The following SENP6 variants were observed in gnomAD, a reference collection of about 807,000 sequenced individuals.
SENP6 encodes sentrin-specific protease 6.
In SENP6, 41 loss-of-function variants were observed where a neutral mutation model predicts 134.5. The ratio of observed to expected loss-of-function variants is 0.30; its 90% CI spans 0.24 to 0.40. The LOEUF is 0.40. SENP6 is among the 10% of genes least tolerant of loss of function. The pLI, the probability that SENP6 is intolerant of heterozygous loss-of-function variation, is 1.00. For synonymous variants in SENP6, 395 were observed against 429.8 expected, an observed-to-expected ratio of 0.92 and a Z score of 1.00; for missense variants, 1,248 against 1,312.5, an observed-to-expected ratio of 0.95 and a Z score of 0.76.
In SENP6 at chr6:75,602,550, G is replaced by T. The variant is rs202125150; in HGVS notation, c.26G>T (p.Ser9Ile). The part of the protein sequence containing the change: MAAGKSGG[S>I]AGEITFLEAL... ...ATGGCGGCCGGCAAGAGCGGCGGTA[G>T]CGCAGGGGAGATTACTTTTCTGGAA... The change falls in exon 1 of 24, where the codon AGC becomes ATC. Residue 9 changes from serine to isoleucine, a missense_variant. Around this residue, in one of 3 missense-constraint regions of SENP6, gnomAD observed 733 missense variants for 725.4 expected, o/e 1.01. Coordinates refer to ENST00000447266, the MANE Select transcript of SENP6 (RefSeq NM_015571.4). 1.2e-5 allele frequency: 19 copies of T among 1,551,484 alleles called. No homozygotes were observed. The African/African-American group carries it at 1.8e-4, about 15-fold the overall frequency.
At chr6:75,666,197 G>A (rs1177834255) in intron 9 of SENP6, among the ~76,000 whole-genome samples, 11 of 97,582 alleles carry the variant, frequency 1.1e-4, no homozygotes, top group African/African-American at 2.6e-4. Flanking sequence ...TATATAAAAC[G>A]TATATATGAT....
intron 5 of SENP6, among the ~76,000 whole-genome samples, chr6:75,638,612 ATATATATATATTTTT>A (rs1440692977): frequency 6.7e-4 from 26 of 38,574 alleles, no homozygotes; most frequent in South Asian, 1.2e-3. Flanking sequence ...ATATATATAT[ATATATATATATTTTT>A]TTTTTTTTTT....
intron 7 of SENP6, among the ~76,000 whole-genome samples, chr6:75,657,836 C>T (rs1320265754): frequency 6.6e-6 from 1 of 152,086 alleles, no homozygotes; most frequent in African/African-American, 2.4e-5. Context: ...ATAGGCAGAG[C>T]TTCACTTGTG....
At chr6:75,690,385 T>C (rs1462851177) in intron 16 of SENP6, among the ~76,000 whole-genome samples, 3 of 152,226 alleles carry the variant, frequency 2.0e-5, no homozygotes. Context: ...GAAATACTGT[T>C]ACTTGCTTTA....
chr6:75,677,271 TAATTTA>T lies in SENP6; in HGVS notation c.1848+18_1848+23del. 6.7e-7 allele frequency: 1 copy of T among 1,485,826 alleles called. No homozygotes were observed. Among genetic ancestry groups the T allele is most frequent in the Non-Finnish European group, 9.1e-7 (1 of 1,096,958 alleles). 92.0% of individuals were successfully genotyped at this position (1,485,826 alleles called of 1,614,324 possible). Reference sequence around the variant, plus strand: ...AAATTAAAACTGTAATTATGTTTTTTAATTTAAAAATATTCTTAAATTGTGGGTAGT... The same window carrying T: ...AAATTAAAACTGTAATTATGTTTTTTAAAATATTCTTAAATTGTGGGTAGT... On this transcript the variant is annotated intron_variant, in intron 14 of 23. Transcript: ENST00000447266.
intron 5 of SENP6, among the ~76,000 whole-genome samples, chr6:75,638,616 ATATATATTTTTTTTTT>A (rs1400879497): frequency 6.7e-4 from 24 of 35,764 alleles, no homozygotes; most frequent in African/African-American, 2.3e-3. Context: ...ATATATATAT[ATATATATTTTTTTTTT>A]TTTTTTTTTT....
At chr6:75,685,604 G>T (rs1264884953) in intron 16 of SENP6, among the ~76,000 whole-genome samples, 1 of 152,108 alleles carries the variant, frequency 6.6e-6, no homozygotes, top group Non-Finnish European at 1.5e-5. Flanking sequence ...TTGTGCCTTT[G>T]TTCTCACTGG....
intron 1 of SENP6, among the ~76,000 whole-genome samples, chr6:75,609,019 A>G (rs1184213184): frequency 1.3e-5 from 2 of 152,224 alleles, no homozygotes; most frequent in South Asian, 2.1e-4. Flanking sequence ...CATACTTTGT[A>G]TGTCTAGACT....
chr6:75,640,085 C>T (rs1442098302), intron 5 of SENP6, among the ~76,000 whole-genome samples: 1 of 152,038 alleles, frequency 6.6e-6, no homozygotes, highest in Non-Finnish European at 1.5e-5. Flanking sequence ...GAGGGAAGTA[C>T]ATACTATTTA....
intron 17 of SENP6, among the ~76,000 whole-genome samples, chr6:75,697,052 G>A (rs1774709293): frequency 1.3e-5 from 2 of 152,082 alleles, no homozygotes; most frequent in African/African-American, 4.8e-5. Flanking sequence ...ATCAGATAAT[G>A]CTCACTTTTC....
intron 19 of SENP6, among the ~76,000 whole-genome samples, chr6:75,705,475 C>T (rs750197605): frequency 2.6e-5 from 4 of 151,924 alleles, no homozygotes; most frequent in East Asian, 1.9e-4. Context: ...AACCTGGGGG[C>T]GGAGGTTGCA....
intron 19 of SENP6, among the ~76,000 whole-genome samples, chr6:75,707,635 G>C (rs889007283): frequency 5.3e-5 from 8 of 152,014 alleles, no homozygotes; most frequent in African/African-American, 7.2e-5. Context: ...TGGGATTACA[G>C]ATGTGAGCCA....
chr6:75,685,246 T>G (rs1773744919), intron 16 of SENP6, among the ~76,000 whole-genome samples: 1 of 152,238 alleles, frequency 6.6e-6, no homozygotes, highest in Non-Finnish European at 1.5e-5. Flanking sequence ...GATATCCCCT[T>G]TATCATTTTT....
At chr6:75,675,757 T>TA in intron 12 of SENP6, 103 bp from the exon 13 acceptor site, 3 of 1,050,066 alleles carry the variant, frequency 2.9e-6, no homozygotes, top group Non-Finnish European at 4.2e-6. Flanking sequence ...GCATAATAAA[T>TA]ATGTGCTTAC....
chr6:75,633,037 A>G (rs1020785949), intron 3 of SENP6, among the ~76,000 whole-genome samples: 1 of 152,156 alleles, frequency 6.6e-6, no homozygotes, highest in Non-Finnish European at 1.5e-5. Context: ...ATCTTTACAA[A>G]TTTATTTTGC....
intron 16 of SENP6, among the ~76,000 whole-genome samples, chr6:75,681,532 C>T (rs1050595529): frequency 2.6e-5 from 4 of 151,960 alleles, no homozygotes; most frequent in Admixed American, 2.0e-4. Context: ...GATCTTGGCC[C>T]ACGGCAGCCT....
rs891688415 is a variant in SENP6, at chr6:75,684,229, A to AT, written c.2075+5307dup. 1.1e-3 allele frequency among the ~76,000 whole-genome samples: 170 copies of AT among 152,164 alleles called. 1 individual carries two copies. The highest frequency in any genetic ancestry group is 3.9e-3 in the African/African-American group (161 of 41,498). ...TTAATGGTGTATAGGAATGCTTGTG[A>AT]TTTTTGCACATTGATTTTGTATCCT... On this transcript the variant is annotated intron_variant, in intron 16 of 23. Transcript: ENST00000447266.
intron 7 of SENP6, among the ~76,000 whole-genome samples, chr6:75,657,942 C>T (rs530706100): frequency 6.6e-5 from 10 of 152,200 alleles, no homozygotes; most frequent in South Asian, 2.1e-4. Flanking sequence ...GAAACAGGAA[C>T]TTCTGCTTGC....
chr6:75,660,793 G>C (rs1467836890), intron 8 of SENP6, among the ~76,000 whole-genome samples: 1 of 151,970 alleles, frequency 6.6e-6, no homozygotes, highest in Non-Finnish European at 1.5e-5. Flanking sequence ...CACCATACCC[G>C]GCTTATTTTT....
Sources: allele counts gnomAD v4.1 joint callset (sites outside exome capture counted in the v4.1 genomes callset), GRCh38; gene constraint gnomAD v4.1.1; regional missense constraint gnomAD v4.1.1; transcripts MANE v1.5; gene names NCBI Gene and HGNC (gene_info 2026-07-23, HGNC 2026-07-21).